The following RAP1A variants were observed in gnomAD, a reference collection of about 807,000 sequenced individuals.
RAP1A encodes the protein ras-related protein Rap-1A.
RAP1A carries 6 observed loss-of-function variants against 26.4 expected under a neutral mutation model. The ratio of observed to expected loss-of-function variants is 0.23; its 90% confidence interval spans 0.12 to 0.45. RAP1A has a LOEUF of 0.45. Ranked by LOEUF, RAP1A falls within the 20% of genes least tolerant of loss-of-function variation. RAP1A has a pLI of 0.99. For synonymous variants in RAP1A, 73 were observed against 79.4 expected, an observed-to-expected ratio of 0.92 and a Z score of 0.43; for missense variants, 121 against 217.2, an observed-to-expected ratio of 0.56 and a Z score of 2.78.
chr1:111,597,459 A>C (rs1408241810), intron 1 of RAP1A, among the ~76,000 whole-genome samples: 1 of 152,218 alleles, frequency 6.6e-6, no homozygotes, highest in East Asian at 1.9e-4. Flanking sequence ...AATCCTACAT[A>C]TCCCAAATGT....
chr1:111,583,613 A>G (rs1004586798), intron 1 of RAP1A, among the ~76,000 whole-genome samples: 4 of 152,200 alleles, frequency 2.6e-5, no homozygotes, highest in Non-Finnish European at 5.9e-5. Context: ...CAAAAGATTA[A>G]TGCATAAAAT....
chr1:111,551,807 T>C (rs576376495), intron 1 of RAP1A, among the ~76,000 whole-genome samples: 1 of 151,200 alleles, frequency 6.6e-6, no homozygotes, highest in Non-Finnish European at 1.5e-5. Flanking sequence ...TTCTGCAACT[T>C]TATTGGGGCA....
At chr1:111,623,405 C>T (rs1056760694) in intron 1 of RAP1A, among the ~76,000 whole-genome samples, 4 of 151,070 alleles carry the variant, frequency 2.6e-5, no homozygotes, top group African/African-American at 7.3e-5. Flanking sequence ...TAGCTGTGAC[C>T]GCCCCATGTT....
At position 111,562,850 on chromosome 1, in the gene RAP1A, A is replaced by G. The variant is rs77695565; in HGVS notation, c.-28+20341A>G. Among the ~76,000 whole-genome samples the G allele has an allele frequency of 7.5e-3, 1,146 of 152,346 alleles. 9 individuals are homozygous for G. Among genetic ancestry groups the G allele is most frequent in the African/African-American group, 0.026 (1,089 of 41,570 alleles). On this transcript the variant is annotated intron_variant, in intron 1 of 7. Coordinates refer to the RAP1A transcript ENST00000356415. ...GTTTGCTTTTAGTTCTCAATCAATC[A>G]AGTACTTTAGAAAAGCCCAATACAA...
upstream of RAP1A, among the ~76,000 whole-genome samples, chr1:111,617,872 C>T (rs1397876395): frequency 6.6e-6 from 1 of 151,728 alleles, no homozygotes; most frequent in Non-Finnish European, 1.5e-5. Flanking sequence ...GGAGAAACCC[C>T]GTCTCTAATA....
In RAP1A at chr1:111,675,470, T is replaced by TA. The variant is rs1407779113; in HGVS notation, c.-27-15856dup. Among the ~76,000 whole-genome samples, 8 of 151,622 alleles carry TA rather than the reference T, an allele frequency of 5.3e-5. No individual in the cohort carries two copies. In the East Asian group the frequency reaches 1.2e-3, roughly 22 times the overall value. ...CTGGGCGACAGAGTGAGACTCTGTC[T>TA]AAAAAAAACAAAACAAAAAAAACAG... On this transcript the variant is annotated intron_variant, in intron 1 of 7. Coordinates refer to ENST00000369709, the MANE Select transcript of RAP1A (RefSeq NM_002884.4).
At position 111,697,464 on chromosome 1, in the gene RAP1A, G is replaced by C. The variant is rs1661871568; in HGVS notation, c.150G>C (p.Gln50His). 6.2e-7 allele frequency: 1 copy of C among 1,612,374 alleles called. No individual in the cohort carries two copies. Among genetic ancestry groups the C allele is most frequent in the Non-Finnish European group, 8.5e-7 (1 of 1,179,540 alleles). ...YRKQVEVDCQQCMLEILDTAG... is the reference protein window; with the variant it reads ...YRKQVEVDCQHCMLEILDTAG... ...AGCAAGTTGAAGTCGATTGCCAACA[G>C]TGTATGCTCGAAATCCTGGATACTG... Residue 50 changes from glutamine to histidine, a missense_variant, in exon 4 of 8, where the codon CAG (glutamine) becomes CAC (histidine). Gln to His is a conservative substitution (Grantham distance 24). Coordinates refer to ENST00000369709, the MANE Select transcript of RAP1A (RefSeq NM_002884.4).
rs1662493327 is a variant in RAP1A, at chr1:111,715,017, T to G, written c.*2616T>G. ...CCCTGAACAGTCTACTTTTAGAAAT[T>G]AACAGTAAATACACAATCCAGCTGT... On this transcript the variant is annotated 3_prime_UTR_variant, in exon 8 of 8. Coordinates refer to ENST00000369709, the MANE Select transcript of RAP1A (RefSeq NM_002884.4). 1 of 152,126 alleles carries G rather than the reference T, an allele frequency of 6.6e-6. No individual in the cohort carries two copies. The highest frequency in any genetic ancestry group is 2.4e-5 in the African/African-American group (1 of 41,424). 9.4% of individuals were successfully genotyped at this position (152,126 alleles called of 1,614,324 possible).
At chr1:111,634,934 C>T (rs978179774) in intron 1 of RAP1A, among the ~76,000 whole-genome samples, 2 of 152,098 alleles carry the variant, frequency 1.3e-5, no homozygotes, top group Non-Finnish European at 2.9e-5. Flanking sequence ...TGAGCCACCA[C>T]GCCTGGCCTG....
At chr1:111,596,369 C>T (rs751116681) in intron 1 of RAP1A, among the ~76,000 whole-genome samples, 2 of 152,140 alleles carry the variant, frequency 1.3e-5, no homozygotes, top group Non-Finnish European at 2.9e-5. Context: ...TTTCCTAGGC[C>T]AATCCTTGGG....
chr1:111,678,683 A>G (rs1661202540), intron 1 of RAP1A, among the ~76,000 whole-genome samples: 1 of 152,136 alleles, frequency 6.6e-6, no homozygotes, highest in Non-Finnish European at 1.5e-5. Flanking sequence ...TGTTATTATA[A>G]TCTATAAGAC....
At chr1:111,704,298 T>A in intron 5 of RAP1A, 45 bp from the exon 6 acceptor site, 1 of 1,593,348 alleles carries the variant, frequency 6.3e-7, no homozygotes, top group East Asian at 2.2e-5. Flanking sequence ...AAAGGCTAAG[T>A]AATGAGTATG....
chr1:111,553,170 C>T (rs1557847093), intron 1 of RAP1A, among the ~76,000 whole-genome samples: 1 of 152,184 alleles, frequency 6.6e-6, no homozygotes, highest in Non-Finnish European at 1.5e-5. Context: ...GACTGTCTTC[C>T]TCTAGAGCAG....
intron 1 of RAP1A, among the ~76,000 whole-genome samples, chr1:111,655,321 A>G (rs1331626496): frequency 2.6e-5 from 4 of 152,164 alleles, no homozygotes; most frequent in African/African-American, 9.6e-5. Flanking sequence ...AAAAGCAAAC[A>G]ATATCTGAGG....
intron 1 of RAP1A, among the ~76,000 whole-genome samples, chr1:111,575,285 C>G (rs1658124784): frequency 6.6e-6 from 1 of 152,104 alleles, no homozygotes; most frequent in South Asian, 2.1e-4. Flanking sequence ...AACCAAGTAG[C>G]TGGGATTACA....
chr1:111,638,479 A>T (rs1379252122), intron 1 of RAP1A, among the ~76,000 whole-genome samples: 1 of 151,428 alleles, frequency 6.6e-6, no homozygotes, highest in East Asian at 1.9e-4. Flanking sequence ...TCTTAATCCT[A>T]CCCCCGGGCT....
At chr1:111,613,520 T>C (rs1283786926) in intron 1 of RAP1A, among the ~76,000 whole-genome samples, 1 of 152,220 alleles carries the variant, frequency 6.6e-6, no homozygotes, top group East Asian at 1.9e-4. Flanking sequence ...TTCAAAGGCA[T>C]GAAGTGTTCT....
intron 1 of RAP1A, among the ~76,000 whole-genome samples, chr1:111,636,861 C>G (rs1659743737): frequency 6.6e-6 from 1 of 152,130 alleles, no homozygotes; most frequent in African/African-American, 2.4e-5. Context: ...TATATTATTT[C>G]TATTACTTCA....
chr1:111,707,774 G>C (rs1027659230), intron 6 of RAP1A, among the ~76,000 whole-genome samples: 2 of 152,072 alleles, frequency 1.3e-5, no homozygotes, highest in Non-Finnish European at 2.9e-5. Flanking sequence ...TTAATACTTT[G>C]GCATCAGAAT....
Sources: allele counts gnomAD v4.1 joint callset (sites outside exome capture counted in the v4.1 genomes callset), GRCh38; gene constraint gnomAD v4.1.1; transcripts MANE v1.5; gene names NCBI Gene and HGNC (gene_info 2026-07-23, HGNC 2026-07-21).